ARSG: variants seen among roughly 807,000 people sequenced by gnomAD.
The protein encoded by ARSG is ASG.
In ARSG, 37 loss-of-function variants were observed where a neutral mutation model predicts 50.5. The observed-to-expected ratio is 0.73, with a 90% CI of 0.56 to 0.96. The LOEUF (loss-of-function observed/expected upper bound fraction) is 0.96, where lower values mean the gene tolerates loss of function less well. Among genes scored for constraint, ARSG ranks in the 50% least tolerant of loss-of-function variants. ARSG has a pLI of 0.00. For synonymous variants in ARSG, 225 were observed against 254.6 expected, an observed-to-expected ratio of 0.88 and a Z score of 1.11; for missense variants, 629 against 675.3, an observed-to-expected ratio of 0.93 and a Z score of 0.76.
chr17:68,287,845 T>TA (rs1425095593), upstream of ARSG, among the ~76,000 whole-genome samples: 2 of 152,104 alleles, frequency 1.3e-5, no homozygotes, highest in African/African-American at 2.4e-5. Context: ...GGTCTTTCCT[T>TA]AAAAAACCGA....
chr17:68,320,152 G>T (rs2077223568), intron 2 of ARSG, among the ~76,000 whole-genome samples: 1 of 152,228 alleles, frequency 6.6e-6, no homozygotes, highest in Non-Finnish European at 1.5e-5. Flanking sequence ...AGTCGGGCGT[G>T]ATGGCGTGCG....
intron 1 of ARSG, among the ~76,000 whole-genome samples, chr17:68,276,213 C>G (rs903645074): frequency 6.6e-6 from 1 of 151,716 alleles, no homozygotes; most frequent in African/African-American, 2.4e-5. Flanking sequence ...CCTGCCTCAG[C>G]CTTCCGAGTA....
chr17:68,356,670 C>G lies in ARSG; in HGVS notation c.570C>G (p.Asn190Lys), dbSNP rs775682355. The G allele has an allele frequency of 6.2e-7, 1 of 1,614,206 alleles. No individual in the cohort carries two copies. The highest frequency in any genetic ancestry group is 8.5e-7 in the Non-Finnish European group (1 of 1,180,026). The change falls in exon 6 of 12, where the codon AAC becomes AAG. Residue 190 changes from asparagine to lysine, a missense_variant. Coordinates refer to ENST00000621439, the MANE Select transcript of ARSG (RefSeq NM_001267727.2). ...ATGGTCTGTGGTTTCCACACAGGAACCTTCAAAGAGACTGTTACACTGACG... is the reference window on the plus strand; with the variant it reads ...ATGGTCTGTGGTTTCCACACAGGAAGCTTCAAAGAGACTGTTACACTGACG... ...ACPQGDGPSRNLQRDCYTDVA... is the reference protein window; with the variant it reads ...ACPQGDGPSRKLQRDCYTDVA...
intron 1 of ARSG, among the ~76,000 whole-genome samples, chr17:68,276,865 C>T (rs2075540602): frequency 6.6e-6 from 1 of 152,122 alleles, no homozygotes; most frequent in Non-Finnish European, 1.5e-5. Flanking sequence ...TTCAATAGCC[C>T]TTTATAGGAC....
chr17:68,277,095 T>A (rs1442443153), intron 1 of ARSG, among the ~76,000 whole-genome samples: 1 of 152,148 alleles, frequency 6.6e-6, no homozygotes, highest in Non-Finnish European at 1.5e-5. Context: ...ATGTTTCCAC[T>A]TGGAATTATG....
chr17:68,354,061 T>A (rs1462752631), intron 5 of ARSG, among the ~76,000 whole-genome samples: 2 of 150,498 alleles, frequency 1.3e-5, no homozygotes, highest in Non-Finnish European at 3.0e-5. Context: ...GTTCCTTCTG[T>A]ATTTTTTTAT....
At chr17:68,263,846 T>TTTTTTATTTTTTCTTAA (rs1555745759) in intron 1 of ARSG, among the ~76,000 whole-genome samples, 4 of 152,154 alleles carry the variant, frequency 2.6e-5, no homozygotes, top group African/African-American at 9.7e-5. Flanking sequence ...TCATGATTTC[T>TTTTTTATTTTTTCTTAA]TTTTTATTTT....
chr17:68,420,235 T>G lies in ARSG; in HGVS notation c.1350T>G (p.His450Gln). The change falls in exon 12 of 12, where the codon CAT becomes CAG. Residue 450 changes from histidine (H) to glutamine (Q), a missense_variant. Transcript: ENST00000621439. ...CDGSTGPELQ[H>Q]KFPLIFNLED... is the part of the protein sequence containing the mutation. ...GGAGCACGGGGCCTGAGCTGCAGCA[T>G]AAGTTTCCTCTGATTTTCAACCTGG... 6.2e-7 allele frequency: 1 copy of G among 1,614,148 alleles called. No individual in the cohort carries two copies. The highest frequency in any genetic ancestry group is 1.3e-5 in the African/African-American group (1 of 75,034).
chr17:68,384,920 A>T (rs1437345354), intron 8 of ARSG, 144 bp from the exon 9 acceptor site: 3 of 631,594 alleles, frequency 4.7e-6, no homozygotes, highest in African/African-American at 1.8e-5. Context: ...TAGTTGAGGG[A>T]AATAGCTGGT....
rs775628539 is a variant in ARSG, at chr17:68,343,695, C to T, written c.310C>T (p.Arg104Cys). The T allele has an allele frequency of 6.8e-6, 11 of 1,614,086 alleles. No individual in the cohort carries two copies. The highest frequency in any genetic ancestry group is 1.7e-5 in the Admixed American group (1 of 60,006). The change falls in exon 3 of 12, where the codon CGC (arginine) becomes TGC (cysteine). Residue 104 changes from arginine (R) to cysteine (C), a missense_variant. By Grantham distance (180) the Arg-to-Cys change is radical (BLOSUM62 -3). Coordinates refer to ENST00000621439, the MANE Select transcript of ARSG (RefSeq NM_001267727.2). Reference sequence around the variant, plus strand: ...GCTTGGCCTTCGCAATGGAGTCACACGCAACTTTGCAGTCACTTCTGTGGG... The same window carrying T: ...GCTTGGCCTTCGCAATGGAGTCACATGCAACTTTGCAGTCACTTCTGTGGG... ...GRLGLRNGVT[R>C]NFAVTSVGGL...
chr17:68,297,754 G>A (rs1363113333), intron 1 of ARSG, among the ~76,000 whole-genome samples: 3 of 152,104 alleles, frequency 2.0e-5, no homozygotes, highest in African/African-American at 4.8e-5. Context: ...GGCGTGAGCC[G>A]CTGTGCCCAG....
chr17:68,426,001 C>G (rs1196024577), downstream of ARSG: 1 of 1,167,448 alleles, frequency 8.6e-7, no homozygotes, highest in Admixed American at 1.8e-5. Flanking sequence ...AGGGACTCTG[C>G]CTCTCGTATG....
rs2079451121 is a variant in ARSG at position 68,364,548 on chromosome 17, CAG to C, written c.705-3999_705-3998del. Among the ~76,000 whole-genome samples the C allele has an allele frequency of 2.0e-5, 3 of 152,008 alleles. No homozygotes were observed. The South Asian group carries it at 6.2e-4, about 31-fold the overall frequency. Reference sequence around the variant, plus strand: ...CTAATTTTTGTATTTTTAGTAGAGACAGGGTTTCACCATGTTGGCCAGGCTGG... The same window carrying C: ...CTAATTTTTGTATTTTTAGTAGAGACGGTTTCACCATGTTGGCCAGGCTGG... On this transcript the variant is annotated intron_variant, in intron 6 of 11. Transcript: ENST00000621439.
downstream of ARSG, chr17:68,426,267 G>C (rs974207372): frequency 4.3e-6 from 4 of 922,582 alleles, no homozygotes; most frequent in African/African-American, 4.9e-5. Flanking sequence ...CAAATAAAGG[G>C]CAAAGGAAGC....
At chr17:68,294,882 G>A (rs782486330) in intron 1 of ARSG, among the ~76,000 whole-genome samples, 17 of 152,028 alleles carry the variant, frequency 1.1e-4, no homozygotes, top group Admixed American at 5.9e-4. Context: ...AGGAAGGCAG[G>A]GCCCTTCAAA....
chr17:68,423,508 T>C (rs1391107522), downstream of ARSG, among the ~76,000 whole-genome samples: 2 of 152,102 alleles, frequency 1.3e-5, no homozygotes, highest in African/African-American at 4.8e-5. This position sits in a 1 kb window ranked among gnomAD's most constrained non-coding sequence, Gnocchi z 4.4. Flanking sequence ...CTCACAAGGG[T>C]CTAACACCTG....
intron 10 of ARSG, among the ~76,000 whole-genome samples, chr17:68,395,978 G>C (rs966754390): frequency 1.3e-5 from 2 of 151,764 alleles, no homozygotes; most frequent in Non-Finnish European, 2.9e-5. Flanking sequence ...AGCTCCAGAG[G>C]GCTCAGCACA....
intron 1 of ARSG, among the ~76,000 whole-genome samples, chr17:68,279,072 A>AT (rs1555751968): frequency 6.6e-6 from 1 of 152,190 alleles, no homozygotes; most frequent in Non-Finnish European, 1.5e-5. Flanking sequence ...AGAGCAGAAT[A>AT]TTTAGAAGCA....
chr17:68,294,760 C>A (rs2076146514), intron 1 of ARSG, among the ~76,000 whole-genome samples: 2 of 152,144 alleles, frequency 1.3e-5, no homozygotes, highest in African/African-American at 4.8e-5. Context: ...CCAGGAACTT[C>A]ACACACTCTG....
Sources: gnomAD v4.1 joint callset for allele counts (sites outside exome capture counted in the v4.1 genomes callset) on GRCh38, gnomAD v4.1.1 for gene constraint, Gnocchi (gnomAD v3.1) non-coding constraint, MANE v1.5 for transcripts, NCBI Gene and HGNC (gene_info 2026-07-23, HGNC 2026-07-21) for gene names.